Variants in BCAT2 observed in about 807,000 individuals in gnomAD.
BCAT2 encodes branched-chain-amino-acid aminotransferase, mitochondrial.
A neutral mutation model predicts 52.9 loss-of-function variants in BCAT2; 44 were observed. The observed-to-expected ratio is 0.83, with a 90% CI of 0.65 to 1.07. The LOEUF (loss-of-function observed/expected upper bound fraction) is 1.07. BCAT2 is among the 50% of genes least tolerant of loss of function. The pLI is 0.00. For missense variants in BCAT2, 478 were observed against 521.8 expected (o/e 0.92, Z 0.82); for synonymous variants, 215 against 217.1 (o/e 0.99, Z 0.08).
chr19:48,799,370 A>C lies in BCAT2; in HGVS notation c.695+305T>G. 3.3e-6 allele frequency: 1 copy of C among 305,768 alleles called. No homozygotes were observed. The highest frequency in any genetic ancestry group is 6.0e-6 in the Non-Finnish European group (1 of 167,644). The allele number at this position is 305,768 out of a possible 1,614,324, so 18.9% of individuals were successfully genotyped here. ...GGGGAGGCTTCTGGGGCGAGAAGCCAATGAGCTGAGTGTAAGCTTCACTCC... is the reference window on the plus strand; with the variant it reads ...GGGGAGGCTTCTGGGGCGAGAAGCCCATGAGCTGAGTGTAAGCTTCACTCC... On this transcript the variant is annotated intron_variant, in intron 6 of 10. Coordinates refer to ENST00000316273, the MANE Select transcript of BCAT2 (RefSeq NM_001190.4). This position sits in a 1 kb window ranked among gnomAD's most constrained non-coding sequence, Gnocchi z 5.5.
intron 1 of BCAT2, chr19:48,810,772 T>C: frequency 8.3e-7 from 1 of 1,204,364 alleles, no homozygotes; most frequent in Non-Finnish European, 1.1e-6. Flanking sequence ...GCCAATTACT[T>C]GCCCCACCTC....
At chr19:48,809,024 G>A (rs754842121) in intron 1 of BCAT2, among the ~76,000 whole-genome samples, 25 of 116,808 alleles carry the variant, frequency 2.1e-4, no homozygotes, top group Non-Finnish European at 3.5e-4. Flanking sequence ...GGTGAGCTAC[G>A]ATCACACTGC....
At position 48,796,632 on chromosome 19, in the gene BCAT2, G is replaced by T; in HGVS notation, c.1011C>A (p.Gly337=). The T allele has an allele frequency of 6.2e-7, 1 of 1,613,732 alleles. No individual in the cohort carries two copies. Among genetic ancestry groups the T allele is most frequent in the Non-Finnish European group, 8.5e-7 (1 of 1,180,034 alleles). The change falls in exon 9 of 11, where the codon GGC becomes GGA. Residue 337 remains glycine, a synonymous_variant. Transcript: ENST00000316273. The part of the protein sequence containing the change: ...LEEGRVREVF[G]SGTACQVCPV... ...GGCAGACCTGGCAAGCGGTGCCCGA[G>T]CCAAAGACTTCCCGCACGCGGCCCT... is the stretch of plus-strand genomic sequence containing the variant.
intron 3 of BCAT2, among the ~76,000 whole-genome samples, chr19:48,801,081 A>C (rs1351824006): frequency 6.6e-6 from 1 of 151,984 alleles, no homozygotes; most frequent in African/African-American, 2.4e-5. Flanking sequence ...TCCGCCTCCC[A>C]GGTCCAAGTG....
At position 48,810,753 on chromosome 19, in the gene BCAT2, T is replaced by TTTA; in HGVS notation, c.24+230_24+231insTAA. ...ATGTTTCCCTTTTTTTTTTTTTTTT[T>TTTA]ACCTCCCCGCCAATTACTTGCCCCA... On this transcript the variant is annotated intron_variant, in intron 1 of 10. Transcript: ENST00000316273. 9 of 984,598 alleles carry TTTA rather than the reference T, an allele frequency of 9.1e-6. No homozygotes were observed. The African/African-American group carries it at 9.9e-5, about 11-fold the overall frequency. The allele number at this position is 984,598 out of a possible 1,614,324, so 61.0% of individuals were successfully genotyped here. A position where few individuals can be genotyped will look rare whatever the true frequency, so the allele number is the denominator to read the frequency against.
At chr19:48,796,230 A>T (rs768967386) in intron 10 of BCAT2, 198 bp downstream of exon 10, 1 of 652,966 alleles carries the variant, frequency 1.5e-6, no homozygotes, top group Admixed American at 3.1e-5. Flanking sequence ...GCTCCCAGGA[A>T]AGGGTGATTT....
rs537031152 is a variant in BCAT2 at position 48,808,161 on chromosome 19, G to A, written c.25-1087C>T. 278 of 986,906 alleles carry A rather than the reference G, an allele frequency of 2.8e-4. 1 individual carries two copies. The South Asian group carries it at 4.6e-3, about 16-fold the overall frequency. The allele number at this position is 986,906 out of a possible 1,614,324, so 61.1% of individuals were successfully genotyped here. On this transcript the variant is annotated intron_variant, in intron 1 of 10. Coordinates refer to ENST00000316273, the MANE Select transcript of BCAT2 (RefSeq NM_001190.4). ...GCTGGTGTGAGGCTCCAGGGATTCC[G>A]GGGTGATCAGAGCGTGGGTCCCCAG...
At chr19:48,804,412 C>T (rs990818158) in intron 3 of BCAT2, among the ~76,000 whole-genome samples, 4 of 148,548 alleles carry the variant, frequency 2.7e-5, no homozygotes, top group Admixed American at 6.7e-5. Context: ...GGTGTGGTGG[C>T]GGGCGCCTGT....
rs572622081 is a variant in BCAT2 at position 48,806,792 on chromosome 19, T to A, written c.100-75A>T. On this transcript the variant is annotated intron_variant, in intron 2 of 10. Coordinates refer to ENST00000316273, the MANE Select transcript of BCAT2 (RefSeq NM_001190.4). The stretch of plus-strand genomic sequence containing the variant: ...AAAAACTACAACTCCCATGAAGCCC[T>A]GGGCCTCAGACCCATAGAGAAGAAG... 7 of 1,550,912 alleles carry A rather than the reference T, an allele frequency of 4.5e-6. 1 individual carries two copies. In the African/African-American group the frequency reaches 5.4e-5, roughly 12 times the overall value.
At chr19:48,810,686 C>T (rs2034899514) in intron 1 of BCAT2, 2 of 949,870 alleles carry the variant, frequency 2.1e-6, no homozygotes, top group South Asian at 4.2e-5. Flanking sequence ...CAAATCACAA[C>T]CTCCCCACCC....
At position 48,800,293 on chromosome 19, in the gene BCAT2, A is replaced by C; in HGVS notation, c.305T>G (p.Phe102Cys). The C allele has an allele frequency of 6.2e-7, 1 of 1,613,476 alleles. No individual in the cohort carries two copies. Among genetic ancestry groups the C allele is most frequent in the Non-Finnish European group, 8.5e-7 (1 of 1,179,986 alleles). The stretch of plus-strand genomic sequence containing the variant: ...GCCTTTGAACGCCTTCATGCCCTCA[A>C]ACAGCTGCGGGGACACGCGGGTGGG... ...SSSLHYSLQL[F>C]EGMKAFKGKD... Residue 102 changes from phenylalanine (F) to cysteine (C), a missense_variant, in exon 4 of 11, where the codon TTT becomes TGT. Coordinates refer to ENST00000316273, the MANE Select transcript of BCAT2 (RefSeq NM_001190.4).
intron 10 of BCAT2, chr19:48,795,856 A>C (rs2034497250): frequency 6.6e-6 from 2 of 304,536 alleles, no homozygotes; most frequent in Non-Finnish European, 1.2e-5. Context: ...AGAAGATGGG[A>C]ATACCCCCAG....
rs924593257 is a variant in BCAT2, at chr19:48,807,668, A to C, written c.25-594T>G. ...CCACCCCTCCTCCCTCAGACCCAGG[A>C]GTCCAGTTCCCCAGCCCCTCCTCCG... On this transcript the variant is annotated intron_variant, in intron 1 of 10. Transcript: ENST00000316273. The surrounding 1 kb of genome is among the most constrained non-coding windows in gnomAD (Gnocchi z 4.6). The C allele has an allele frequency of 1.1e-6, 1 of 945,646 alleles. No homozygotes were observed. The highest frequency in any genetic ancestry group is 1.8e-5 in the African/African-American group (1 of 56,114). The allele number at this position is 945,646 out of a possible 1,614,324, so 58.6% of individuals were successfully genotyped here.
rs1269474223 is a variant in BCAT2, at chr19:48,799,719, G to A, written c.651C>T (p.Phe217=). 6.3e-7 allele frequency: 1 copy of A among 1,597,832 alleles called. No homozygotes were observed. The highest frequency in any genetic ancestry group is 2.3e-5 in the East Asian group (1 of 44,298). The part of the protein sequence containing the change: ...TPVSLLADPA[F]IRAWVGGVGN... Reference sequence around the variant, plus strand: ...CGACCCCGCCCACCCAGGCCCGGATGAAGGCTGGGTCGGCCAGGAGGGAGA... The same window carrying A: ...CGACCCCGCCCACCCAGGCCCGGATAAAGGCTGGGTCGGCCAGGAGGGAGA... Residue 217 remains phenylalanine, a synonymous_variant, in exon 6 of 11, where the codon TTC becomes TTT. Transcript: ENST00000316273. This position sits in a 1 kb window ranked among gnomAD's most constrained non-coding sequence, Gnocchi z 5.5.
In BCAT2 at chr19:48,799,648, CGTTCT is replaced by C. The variant is rs747904091; in HGVS notation, c.695+22_695+26del. The C allele has an allele frequency of 6.5e-7, 1 of 1,539,272 alleles. No homozygotes were observed. Among genetic ancestry groups the C allele is most frequent in the East Asian group, 2.3e-5 (1 of 43,760 alleles). ...TGTCTCCAACGCCCAGTGCGCCAGTCGTTCTGGGGATGGGGGTGCTACTTACCCAC... is the reference window on the plus strand; with the variant it reads ...TGTCTCCAACGCCCAGTGCGCCAGTCGGGGATGGGGGTGCTACTTACCCAC... On this transcript the variant is annotated intron_variant, in intron 6 of 10. Coordinates refer to ENST00000316273, the MANE Select transcript of BCAT2 (RefSeq NM_001190.4). The surrounding 1 kb of genome is among the most constrained non-coding windows in gnomAD (Gnocchi z 5.5).
intron 10 of BCAT2, 181 bp downstream of exon 10, chr19:48,796,247 A>C (rs1254728429): frequency 2.7e-6 from 2 of 748,454 alleles, no homozygotes. Flanking sequence ...ATTTAGCCCC[A>C]AGGGGTTTTC....
chr19:48,802,392 C>T (rs960137601), intron 3 of BCAT2, among the ~76,000 whole-genome samples: 1 of 147,564 alleles, frequency 6.8e-6, no homozygotes, highest in Non-Finnish European at 1.5e-5. Context: ...CCTCTAGATA[C>T]ATTTGCACTT....
At chr19:48,805,545 C>G (rs2034748414) in intron 3 of BCAT2, among the ~76,000 whole-genome samples, 1 of 152,140 alleles carries the variant, frequency 6.6e-6, no homozygotes, top group Non-Finnish European at 1.5e-5. Flanking sequence ...CCCAAATGTA[C>G]CAGGCTCTAC....
chr19:48,799,513 G>GT lies in BCAT2; in HGVS notation c.695+161dup. 1 of 893,494 alleles carries GT rather than the reference G, an allele frequency of 1.1e-6. No individual in the cohort carries two copies. The highest frequency in any genetic ancestry group is 1.6e-6 in the Non-Finnish European group (1 of 636,526). 55.3% of individuals were successfully genotyped at this position (893,494 alleles called of 1,614,324 possible). The stretch of plus-strand genomic sequence containing the variant: ...CCCCTCCTCCTTCCTTCCATGGTTT[G>GT]TTTTCAGGGACCAGGGAGGTCACTT... On this transcript the variant is annotated intron_variant, in intron 6 of 10. Coordinates refer to ENST00000316273, the MANE Select transcript of BCAT2 (RefSeq NM_001190.4). The surrounding 1 kb of genome is among the most constrained non-coding windows in gnomAD (Gnocchi z 5.5).
Sources: allele counts gnomAD v4.1 joint callset (sites outside exome capture counted in the v4.1 genomes callset), GRCh38; gene constraint gnomAD v4.1.1; non-coding constraint Gnocchi (gnomAD v3.1); transcripts MANE v1.5; gene names NCBI Gene and HGNC (gene_info 2026-07-23, HGNC 2026-07-21).